Variants in DDX27 observed in about 807,000 individuals in gnomAD.
DDX27 encodes DEAD-box helicase 27.
Under a neutral mutation model 99.3 loss-of-function variants are expected in DDX27, and 42 were observed. That is an observed-to-expected ratio of 0.42 (90% CI 0.33 to 0.55). The LOEUF is 0.55. Ranked by LOEUF, DDX27 falls within the 20% of genes least tolerant of loss-of-function variation. DDX27 has a pLI of 0.07. For missense variants in DDX27, 798 were observed against 976.8 expected (o/e 0.82, Z 2.44); for synonymous variants, 329 against 353.8 (o/e 0.93, Z 0.79).
Position 49,243,832 on chromosome 20 carries a change from T to C in DDX27, c.2296T>C (p.Ter766GlnextTer13). The C allele has an allele frequency of 6.2e-7, 1 of 1,614,158 alleles. No homozygotes were observed. Among genetic ancestry groups the C allele is most frequent in the Non-Finnish European group, 8.5e-7 (1 of 1,180,016 alleles). Residue 766 changes from the stop codon to glutamine, a stop_lost, in exon 21 of 21, where the codon TAG (stop) becomes CAG (glutamine). Coordinates refer to ENST00000618172, the MANE Select transcript of DDX27 (RefSeq NM_017895.8). Reference sequence around the variant, plus strand: ...TTCTTACAGATACAAGAGGAGGAAGTAGCTGTCGTGGCCTGAAGAAATTCA... The same window carrying C: ...TTCTTACAGATACAAGAGGAGGAAGCAGCTGTCGTGGCCTGAAGAAATTCA... Reference protein sequence around the residue: ...KSKSRYKRRK* With the variant: ...KSKSRYKRRKQ
Position 49,223,133 on chromosome 20 carries a change from T to C in DDX27, c.300+117T>C. On this transcript the variant is annotated intron_variant, in intron 3 of 20. Transcript: ENST00000618172. ...GGGCATGGCTGGGGCAGGCGCACTC[T>C]TCTGTGTGTTTGCTGTGAATCTGTA... The C allele has an allele frequency of 2.2e-6, 3 of 1,350,238 alleles. No homozygotes were observed. In the South Asian group the frequency reaches 4.1e-5, roughly 18 times the overall value. The allele number at this position is 1,350,238 out of a possible 1,614,324, so 83.6% of individuals were successfully genotyped here.
At position 49,221,954 on chromosome 20, in the gene DDX27, G is replaced by C. The variant is rs571470523; in HGVS notation, c.240+356G>C. Among the ~76,000 whole-genome samples the C allele has an allele frequency of 4.6e-5, 7 of 152,046 alleles. No homozygotes were observed. In the East Asian group the frequency reaches 1.4e-3, roughly 29 times the overall value. ...ACACAGCACAGCCAAAGCTACCACA[G>C]ATGTCATTGTCATCTGTTTGTTTGC... On this transcript the variant is annotated intron_variant, in intron 2 of 20. Transcript: ENST00000618172.
Position 49,233,520 on chromosome 20 carries a change from C to G in DDX27, c.1132-48C>G, listed in dbSNP as rs1479500262. 4 of 1,603,388 alleles carry G rather than the reference C, an allele frequency of 2.5e-6. No individual in the cohort carries two copies. In the Admixed American group the frequency reaches 6.7e-5, roughly 27 times the overall value. On this transcript the variant is annotated intron_variant, in intron 10 of 20. Transcript: ENST00000618172. ...TGGGGTGAGCACTGCTTCCTCCTTC[C>G]CTACCACCTTGCAGAGAGCTGAGGA... is the stretch of plus-strand genomic sequence containing the variant.
rs1980566205 is a variant in DDX27, at chr20:49,243,937, A to AT, written c.*103_*104insT. On this transcript the variant is annotated 3_prime_UTR_variant, in exon 21 of 21. Coordinates refer to ENST00000618172, the MANE Select transcript of DDX27 (RefSeq NM_017895.8). The stretch of plus-strand genomic sequence containing the variant: ...TTTTCTCCATTTGTTTAAAAAAAAA[A>AT]CAAAAACAAAAAACAACACTTTGGT... 5.7e-6 allele frequency: 8 copies of AT among 1,410,520 alleles called. No individual in the cohort carries two copies. The highest frequency in any genetic ancestry group is 7.8e-6 in the Non-Finnish European group (8 of 1,027,002). 87.4% of individuals were successfully genotyped at this position (1,410,520 alleles called of 1,614,324 possible).
At chr20:49,240,173 G>GA (rs1980433112) in intron 16 of DDX27, among the ~76,000 whole-genome samples, 1 of 152,210 alleles carries the variant, frequency 6.6e-6, no homozygotes, top group African/African-American at 2.4e-5. Context: ...GTTGTACAAT[G>GA]TTGTGAATGT....
At chr20:49,231,996 C>T (rs1006533968) in intron 9 of DDX27, among the ~76,000 whole-genome samples, 3 of 151,804 alleles carry the variant, frequency 2.0e-5, no homozygotes, top group Non-Finnish European at 4.4e-5. Context: ...GTGATCCTCC[C>T]ATCTCAGTCC....
In DDX27 at chr20:49,221,408, C is replaced by G. The variant is rs201776826; in HGVS notation, c.94-44C>G. The G allele has an allele frequency of 3.7e-6, 6 of 1,610,826 alleles. No homozygotes were observed. In the Admixed American group the frequency reaches 1.0e-4, roughly 27 times the overall value. On this transcript the variant is annotated intron_variant, in intron 1 of 20. Transcript: ENST00000618172. ...TGGCCCCTTCTTGCTTTCTATCATT[C>G]TTTATCTCAGCCCCAAAGTCACTCT...
rs756723456 is a variant in DDX27 at position 49,239,362 on chromosome 20, A to G, written c.1897+24A>G. 10 of 1,560,422 alleles carry G rather than the reference A, an allele frequency of 6.4e-6. No homozygotes were observed. In the South Asian group the frequency reaches 1.1e-4, roughly 18 times the overall value. ...AAGTAAGTCAGGGAGGTTCCGCAGA[A>G]ATCTAAATACAGAATTACCCCACAG... On this transcript the variant is annotated intron_variant, in intron 16 of 20. Coordinates refer to ENST00000618172, the MANE Select transcript of DDX27 (RefSeq NM_017895.8).
chr20:49,227,029 A>AT (rs1302647196), intron 7 of DDX27, among the ~76,000 whole-genome samples: 1 of 148,492 alleles, frequency 6.7e-6, no homozygotes, highest in Non-Finnish European at 1.5e-5. Flanking sequence ...CGCCCGGCTA[A>AT]TTTTTTGTAT....
At chr20:49,226,601 C>A in intron 7 of DDX27, 66 bp downstream of exon 7, 1 of 1,119,604 alleles carries the variant, frequency 8.9e-7, no homozygotes, top group South Asian at 1.5e-5. Context: ...TCTAGGTTGA[C>A]TTACCAAAGG....
chr20:49,240,093 G>C (rs1263602677), intron 16 of DDX27, among the ~76,000 whole-genome samples: 1 of 152,188 alleles, frequency 6.6e-6, no homozygotes, highest in Non-Finnish European at 1.5e-5. Context: ...AGTGGTTGCA[G>C]AGCTTCTGTT....
intron 3 of DDX27, 112 bp downstream of exon 3, chr20:49,223,128 C>T: frequency 7.4e-7 from 1 of 1,352,046 alleles, no homozygotes; most frequent in Admixed American, 2.2e-5. Context: ...GGGGCAGGCG[C>T]ACTCTTCTGT....
rs71186442 is a variant in DDX27, at chr20:49,229,650, C to CTTTTTTT, written c.881-539_881-533dup. The stretch of plus-strand genomic sequence containing the variant: ...AGTCCTTGAATGTTTCAGGCATTCT[C>CTTTTTTT]TTTTTTTTTTTTTTTTGAGAGGAAG... On this transcript the variant is annotated intron_variant, in intron 8 of 20. Transcript: ENST00000618172. Among the ~76,000 whole-genome samples, 14 of 134,356 alleles carry CTTTTTTT rather than the reference C, an allele frequency of 1.0e-4. 2 individuals are homozygous for CTTTTTTT. The highest frequency in any genetic ancestry group is 1.9e-4 in the Non-Finnish European group (12 of 63,976). The allele number at this position is 134,356 out of a possible 152,430, so 88.1% of individuals were successfully genotyped here.
At chr20:49,225,416 C>T (rs551554969) in intron 6 of DDX27, among the ~76,000 whole-genome samples, 1 of 151,760 alleles carries the variant, frequency 6.6e-6, no homozygotes, top group Non-Finnish European at 1.5e-5. Context: ...CTCTTTGCCT[C>T]CCTCAACTCT....
Position 49,236,247 on chromosome 20 carries a change from C to T in DDX27, c.1509+16C>T, listed in dbSNP as rs1352725633. ...GGTCAAAACGGTGAGCAGACACTAT[C>T]TTCCTTGGACTTTTGGTGGAAGTCT... On this transcript the variant is annotated intron_variant, in intron 13 of 20. Transcript: ENST00000618172. The surrounding 1 kb of genome is among the most constrained non-coding windows in gnomAD (Gnocchi z 4.1). 2 of 1,585,190 alleles carry T rather than the reference C, an allele frequency of 1.3e-6. No individual in the cohort carries two copies. The highest frequency in any genetic ancestry group is 1.1e-5 in the South Asian group (1 of 87,390).
In DDX27 at chr20:49,233,597, G is replaced by T. The variant is rs773451303; in HGVS notation, c.1161G>T (p.Lys387Asn). 3 of 1,613,786 alleles carry T rather than the reference G, an allele frequency of 1.9e-6. No homozygotes were observed. Among genetic ancestry groups the T allele is most frequent in the Non-Finnish European group, 1.7e-6 (2 of 1,179,748 alleles). ...EVKDLASVSL[K>N]NPVRIFVNSN... The stretch of plus-strand genomic sequence containing the variant: ...AAGATCTGGCTTCTGTCTCCTTGAA[G>T]AATCCTGTCCGGATATTTGTGAACA... Residue 387 changes from lysine (K) to asparagine (N), a missense_variant, in exon 11 of 21, where the codon AAG (lysine) becomes AAT (asparagine). Transcript: ENST00000618172.
Position 49,224,924 on chromosome 20 carries a change from CAGCTA to C in DDX27, c.467-18_467-14del. 6.2e-7 allele frequency: 1 copy of C among 1,614,000 alleles called. No individual in the cohort carries two copies. The highest frequency in any genetic ancestry group is 8.5e-7 in the Non-Finnish European group (1 of 1,179,930). Reference sequence around the variant, plus strand: ...CTTTGTAAGTCTGAGCCGTGGTCATCAGCTAAGTTTTTCTCCATAGATACACTCAA... The same window carrying C: ...CTTTGTAAGTCTGAGCCGTGGTCATCAGTTTTTCTCCATAGATACACTCAA... On this transcript the variant is annotated splice_polypyrimidine_tract_variant and intron_variant, in intron 4 of 20. Coordinates refer to ENST00000618172, the MANE Select transcript of DDX27 (RefSeq NM_017895.8).
chr20:49,230,388 TCCAAGGCCCAGAA>T (rs1980064398), intron 9 of DDX27, 39 bp downstream of exon 9: 1 of 1,581,980 alleles, frequency 6.3e-7, no homozygotes, highest in African/African-American at 1.3e-5. Context: ...ACTGTGGGGT[TCCAAGGCCCAGAA>T]CCTGGATGTG....
intron 9 of DDX27, among the ~76,000 whole-genome samples, chr20:49,231,806 G>A (rs1980122484): frequency 6.6e-6 from 1 of 152,108 alleles, no homozygotes; most frequent in African/African-American, 2.4e-5. Context: ...CTGTCCCCAT[G>A]AGGATTTCTC....
Sources: gnomAD v4.1 joint callset for allele counts (sites outside exome capture counted in the v4.1 genomes callset) on GRCh38, gnomAD v4.1.1 for gene constraint, Gnocchi (gnomAD v3.1) non-coding constraint, MANE v1.5 for transcripts, NCBI Gene and HGNC (gene_info 2026-07-23, HGNC 2026-07-21) for gene names.